The following GRM3 variants were observed in gnomAD, a reference collection of about 807,000 sequenced individuals.
GRM3 encodes the protein metabotropic glutamate receptor 3.
A neutral mutation model predicts 70.5 loss-of-function variants in GRM3; 26 were observed. The observed-to-expected ratio is 0.37, with a 90% confidence interval of 0.27 to 0.51. The LOEUF (loss-of-function observed/expected upper bound fraction) is 0.51, where lower values mean the gene tolerates loss of function less well. Ranked by LOEUF, GRM3 falls within the 20% of genes least tolerant of loss-of-function variation. The pLI is 0.93. For synonymous variants in GRM3, 443 were observed against 434.9 expected, an observed-to-expected ratio of 1.02 and a Z score of -0.23; for missense variants, 859 against 1,123.8, an observed-to-expected ratio of 0.76 and a Z score of 3.37.
intron 1 of GRM3, among the ~76,000 whole-genome samples, chr7:86,645,474 T>C (rs915083416): frequency 2.6e-5 from 4 of 152,186 alleles, no homozygotes; most frequent in African/African-American, 9.7e-5. Flanking sequence ...ACAGGGAGCA[T>C]ATCTTTTCAT....
chr7:86,783,578 A>G (rs756472185), intron 2 of GRM3, among the ~76,000 whole-genome samples: 10 of 152,160 alleles, frequency 6.6e-5, no homozygotes, highest in African/African-American at 9.7e-5. Flanking sequence ...AACAGAATAA[A>G]CACATTTTTT....
chr7:86,678,512 A>G (rs1390293756), intron 1 of GRM3, among the ~76,000 whole-genome samples: 5 of 152,076 alleles, frequency 3.3e-5, no homozygotes, highest in Non-Finnish European at 5.9e-5. Flanking sequence ...CACGGTGTCT[A>G]AGAATACTGT....
rs187411273 is a variant in GRM3 at position 86,701,468 on chromosome 7, G to A, written c.-141+56596G>A. Among the ~76,000 whole-genome samples the A allele has an allele frequency of 7.1e-3, 1,077 of 151,804 alleles. 16 individuals carry two copies. The highest frequency in any genetic ancestry group is 0.025 in the African/African-American group (1,020 of 41,432). ...CTCTTCTGATAGTTTTAAAGATTAA[G>A]GCATTTAAGTTTGGTTTCATTATAC... is the stretch of plus-strand genomic sequence containing the variant. On this transcript the variant is annotated intron_variant, in intron 1 of 5. Coordinates refer to ENST00000361669, the MANE Select transcript of GRM3 (RefSeq NM_000840.3).
At chr7:86,773,750 G>A (rs991656790) in intron 2 of GRM3, among the ~76,000 whole-genome samples, 5 of 152,092 alleles carry the variant, frequency 3.3e-5, no homozygotes, top group Admixed American at 6.6e-5. Context: ...AATTAAAAAT[G>A]CTTTTGTTAG....
intron 3 of GRM3, among the ~76,000 whole-genome samples, chr7:86,809,480 T>C (rs1797866713): frequency 6.6e-6 from 1 of 152,052 alleles, no homozygotes; most frequent in East Asian, 1.9e-4. Flanking sequence ...CTAATCTAAT[T>C]GTGTGACTTC....
chr7:86,720,099 G>A lies in GRM3; in HGVS notation c.-140-44907G>A, dbSNP rs146490474. 3.0e-3 allele frequency among the ~76,000 whole-genome samples: 463 copies of A among 152,174 alleles called. 5 individuals are homozygous for A. Among genetic ancestry groups the A allele is most frequent in the African/African-American group, 9.2e-3 (381 of 41,534 alleles). ...TCAGTTATCACAGTAGTCCAAAGGA[G>A]AGATGATGGTGGTCTGGACTAAAAT... On this transcript the variant is annotated intron_variant, in intron 1 of 5. Coordinates refer to ENST00000361669, the MANE Select transcript of GRM3 (RefSeq NM_000840.3).
At chr7:86,782,905 T>C (rs35274762) in intron 2 of GRM3, among the ~76,000 whole-genome samples, 13,575 of 152,272 alleles carry the variant, frequency 0.089, 760 homozygotes, top group Non-Finnish European at 0.13. Context: ...ATCCTGTTTT[T>C]CCTTCCTCCA....
intron 3 of GRM3, among the ~76,000 whole-genome samples, chr7:86,822,336 GA>G (rs1389862730): frequency 6.6e-6 from 1 of 151,944 alleles, no homozygotes; most frequent in Non-Finnish European, 1.5e-5. Context: ...AAGATATACA[GA>G]AAAAAATATA....
At chr7:86,721,889 G>A (rs1486991931) in intron 1 of GRM3, among the ~76,000 whole-genome samples, 4 of 152,134 alleles carry the variant, frequency 2.6e-5, no homozygotes, top group Admixed American at 2.6e-4. Context: ...TTGGCACCTT[G>A]AAGAAGGAAT....
chr7:86,715,056 G>A (rs996936772), intron 1 of GRM3, among the ~76,000 whole-genome samples: 11 of 151,998 alleles, frequency 7.2e-5, no homozygotes, highest in Middle Eastern at 3.4e-3. Context: ...TGTCAGGACC[G>A]TTATGATTTC....
chr7:86,678,707 C>T (rs954404377), intron 1 of GRM3, among the ~76,000 whole-genome samples: 1 of 152,006 alleles, frequency 6.6e-6, no homozygotes, highest in Admixed American at 6.6e-5. Flanking sequence ...CCAACAAGGA[C>T]ATCGAGATGT....
In GRM3 at chr7:86,720,795, T is replaced by C. The variant is rs563025176; in HGVS notation, c.-140-44211T>C. ...AATTTGTATGAAAGTGTTCACTCAT[T>C]CATTTGTTCAACAAATATTGATGAA... On this transcript the variant is annotated intron_variant, in intron 1 of 5. Coordinates refer to ENST00000361669, the MANE Select transcript of GRM3 (RefSeq NM_000840.3). Among the ~76,000 whole-genome samples the C allele has an allele frequency of 3.9e-5, 6 of 152,202 alleles. No individual in the cohort carries two copies. The South Asian group carries it at 1.2e-3, about 32-fold the overall frequency.
chr7:86,716,493 G>T (rs1263082218), intron 1 of GRM3, among the ~76,000 whole-genome samples: 1 of 151,734 alleles, frequency 6.6e-6, no homozygotes, highest in East Asian at 1.9e-4. Flanking sequence ...TCACGCCCAG[G>T]TTTTCCTGAC....
chr7:86,749,080 G>C (rs1157282587), intron 1 of GRM3, among the ~76,000 whole-genome samples: 5 of 152,008 alleles, frequency 3.3e-5, no homozygotes, highest in Non-Finnish European at 7.4e-5. Flanking sequence ...TCTTTGTACA[G>C]CTTAAAATAA....
intron 1 of GRM3, among the ~76,000 whole-genome samples, chr7:86,747,916 A>G (rs1411215348): frequency 6.6e-6 from 1 of 152,074 alleles, no homozygotes; most frequent in Non-Finnish European, 1.5e-5. Context: ...CACCCCACTA[A>G]ACAGCACAGC....
chr7:86,813,077 G>A (rs79676028), intron 3 of GRM3, among the ~76,000 whole-genome samples: 1,918 of 151,824 alleles, frequency 0.013, 36 homozygotes, highest in African/African-American at 0.043. Context: ...AGTTATTTCA[G>A]AGTTCCAATA....
At chr7:86,822,301 A>G (rs1306637112) in intron 3 of GRM3, among the ~76,000 whole-genome samples, 1 of 152,172 alleles carries the variant, frequency 6.6e-6, no homozygotes, top group Non-Finnish European at 1.5e-5. Flanking sequence ...AGTTTACAAT[A>G]TAGTGATAAG....
At chr7:86,854,727 G>A (rs1443812770) in intron 5 of GRM3, among the ~76,000 whole-genome samples, 2 of 152,126 alleles carry the variant, frequency 1.3e-5, no homozygotes, top group African/African-American at 4.8e-5. Context: ...AATAGAAGTG[G>A]TCCAAAGAAA....
Position 86,864,620 on chromosome 7 carries a change from GGTCA to G in GRM3, c.*269_*272del. 1 of 285,356 alleles carries G rather than the reference GGTCA, an allele frequency of 3.5e-6. No individual in the cohort carries two copies. Among genetic ancestry groups the G allele is most frequent in the Non-Finnish European group, 6.3e-6 (1 of 157,780 alleles). The allele number at this position is 285,356 out of a possible 1,614,324, so 17.7% of individuals were successfully genotyped here. A position where few individuals can be genotyped will look rare whatever the true frequency, so the allele number is the denominator to read the frequency against. On this transcript the variant is annotated 3_prime_UTR_variant, in exon 6 of 6. Coordinates refer to ENST00000361669, the MANE Select transcript of GRM3 (RefSeq NM_000840.3). ...GAGCATTGGTGACAGGGTCTGACAT[GGTCA>G]GTCTACTAAAAAACAAAAAAAAAAA...
Sources: gnomAD v4.1 joint callset for allele counts (sites outside exome capture counted in the v4.1 genomes callset) on GRCh38, gnomAD v4.1.1 for gene constraint, MANE v1.5 for transcripts, NCBI Gene and HGNC (gene_info 2026-07-23, HGNC 2026-07-21) for gene names.